Variants in PDZD2 observed in about 807,000 individuals in gnomAD.
PDZD2 encodes PDZ domain containing 2, also known as PDZ domain-containing protein 2.
A neutral mutation model predicts 220.7 loss-of-function variants in PDZD2; 90 were observed. The ratio of observed to expected loss-of-function variants is 0.41; its 90% CI spans 0.34 to 0.49. PDZD2 has a LOEUF of 0.49. Ranked by LOEUF, PDZD2 falls within the 20% of genes least tolerant of loss-of-function variation. The pLI, the probability that PDZD2 is intolerant of heterozygous loss-of-function variation, is 0.28. For missense variants in PDZD2, 3,174 were observed against 3,608.5 expected (o/e 0.88, Z 3.08); for synonymous variants, 1,375 against 1,450.5 (o/e 0.95, Z 1.18).
At chr5:31,798,845 C>T (rs1754209588) in intron 1 of PDZD2, 44 bp from the exon 2 acceptor site, 1 of 193,126 alleles carries the variant, frequency 5.2e-6, no homozygotes, top group South Asian at 1.4e-4. Context: ...AGAAGGCTCA[C>T]TGTTGTAACT....
At chr5:31,662,876 C>T (rs532485623) in intron 1 of PDZD2, among the ~76,000 whole-genome samples, 12 of 152,314 alleles carry the variant, frequency 7.9e-5, no homozygotes, top group East Asian at 7.7e-4. Context: ...GTGATCCACC[C>T]GCTGTGGCCT....
intron 5 of PDZD2, among the ~76,000 whole-genome samples, chr5:32,002,424 G>A (rs979384230): frequency 5.3e-5 from 8 of 152,150 alleles, no homozygotes; most frequent in African/African-American, 1.7e-4. Flanking sequence ...GCCCCTCGCC[G>A]GAAATGGGGC....
At chr5:32,053,289 C>T (rs751733624) in intron 9 of PDZD2, among the ~76,000 whole-genome samples, 6 of 152,114 alleles carry the variant, frequency 3.9e-5, no homozygotes, top group African/African-American at 9.7e-5. Context: ...AATTTCATGG[C>T]GTTGCCATTA....
At chr5:31,688,992 G>A (rs1233073156) in intron 1 of PDZD2, among the ~76,000 whole-genome samples, 2 of 152,168 alleles carry the variant, frequency 1.3e-5, no homozygotes, top group African/African-American at 4.8e-5. Context: ...GCATCTGTGG[G>A]ATTCAGGATG....
chr5:31,923,619 T>A, intron 2 of PDZD2: 1 of 729,672 alleles, frequency 1.4e-6, no homozygotes. Context: ...AGATGGGACA[T>A]CATTCAGTCA....
intron 2 of PDZD2, among the ~76,000 whole-genome samples, chr5:31,831,628 G>A (rs1328296525): frequency 2.0e-5 from 3 of 151,900 alleles, no homozygotes; most frequent in African/African-American, 7.3e-5. Context: ...TGTGCCTGTA[G>A]TCCCAGCTAC....
At chr5:32,030,113 T>C (rs1755005148) in intron 6 of PDZD2, among the ~76,000 whole-genome samples, 1 of 152,236 alleles carries the variant, frequency 6.6e-6, no homozygotes, top group Admixed American at 6.5e-5. Context: ...GCATTGGGTG[T>C]AGATGGTGCC....
chr5:31,869,526 T>C (rs192145397), intron 2 of PDZD2, among the ~76,000 whole-genome samples: 7 of 151,740 alleles, frequency 4.6e-5, no homozygotes, highest in Admixed American at 4.6e-4. Context: ...ATCACGCCAC[T>C]GCACTCCAGC....
intron 2 of PDZD2, among the ~76,000 whole-genome samples, chr5:31,886,270 T>G (rs1484393356): frequency 6.6e-6 from 1 of 152,194 alleles, no homozygotes; most frequent in Non-Finnish European, 1.5e-5. Flanking sequence ...AACAATGCAT[T>G]TGTTTAGAGC....
intron 1 of PDZD2, among the ~76,000 whole-genome samples, chr5:31,703,174 C>T (rs543183241): frequency 6.6e-6 from 1 of 152,306 alleles, no homozygotes; most frequent in South Asian, 2.1e-4. Context: ...AAAGAGCGGC[C>T]ATTAGATTTT....
chr5:31,729,586 C>T (rs190831495), intron 1 of PDZD2, among the ~76,000 whole-genome samples: 40 of 152,242 alleles, frequency 2.6e-4, no homozygotes, highest in African/African-American at 9.6e-4. Flanking sequence ...TTTTCTACTA[C>T]CCTGGAAGGA....
intron 2 of PDZD2, among the ~76,000 whole-genome samples, chr5:31,913,697 T>A (rs1332672284): frequency 6.6e-6 from 1 of 152,116 alleles, no homozygotes; most frequent in Non-Finnish European, 1.5e-5. Context: ...AATAAGCAGG[T>A]CAAAGTTGAA....
intron 2 of PDZD2, among the ~76,000 whole-genome samples, chr5:31,886,744 C>T (rs1321843213): frequency 6.6e-6 from 1 of 151,354 alleles, no homozygotes; most frequent in South Asian, 2.1e-4. Context: ...GTCGCTCAGG[C>T]TGGAGTGCAG....
intron 1 of PDZD2, among the ~76,000 whole-genome samples, chr5:31,792,139 A>T (rs541033888): frequency 6.6e-6 from 1 of 152,354 alleles, no homozygotes; most frequent in Admixed American, 6.5e-5. Context: ...GAGAGAATGA[A>T]TATCAGGTAG....
intron 1 of PDZD2, among the ~76,000 whole-genome samples, chr5:31,710,597 C>T (rs1291693122): frequency 6.6e-6 from 1 of 152,052 alleles, no homozygotes; most frequent in African/African-American, 2.4e-5. Context: ...GCGGGTGGAT[C>T]ACCTCAGGTT....
At chr5:31,761,967 A>G (rs1580705535) in intron 1 of PDZD2, among the ~76,000 whole-genome samples, 3 of 151,890 alleles carry the variant, frequency 2.0e-5, no homozygotes, top group African/African-American at 7.3e-5. Context: ...ATTATGGCGG[A>G]GGGTGAAGGA....
At chr5:31,954,461 CT>C in intron 2 of PDZD2, among the ~76,000 whole-genome samples, 1 of 152,082 alleles carries the variant, frequency 6.6e-6, no homozygotes, top group South Asian at 2.1e-4. Flanking sequence ...TGATACCCTG[CT>C]TTTTTCTGCC....
chr5:31,799,988 G>A (rs1754300574), intron 2 of PDZD2, among the ~76,000 whole-genome samples: 1 of 152,074 alleles, frequency 6.6e-6, no homozygotes, highest in Non-Finnish European at 1.5e-5. Flanking sequence ...TCACAGTCCA[G>A]AAGCCCCACC....
intron 2 of PDZD2, among the ~76,000 whole-genome samples, chr5:31,885,158 C>CA (rs397978491): frequency 0.47 from 48,897 of 104,978 alleles, 8,900 homozygotes; most frequent in South Asian, 0.57. Context: ...GTGCAAACGG[C>CA]AAAAAAAAAA....
Sources: gnomAD v4.1 joint callset for allele counts (sites outside exome capture counted in the v4.1 genomes callset) on GRCh38, gnomAD v4.1.1 for gene constraint, MANE v1.5 for transcripts, NCBI Gene and HGNC (gene_info 2026-07-23, HGNC 2026-07-21) for gene names.